Variants in LOC101059915 observed in about 807,000 individuals in gnomAD.
chrX:71,667,907 A>G, the LOC101059915 span: 1 of 1,126,778 alleles, frequency 8.9e-7, no homozygotes, highest in South Asian at 2.2e-5. Context: ...CCACGGGGTG[A>G]CGGCCACGGC....
At chrX:71,670,913 A>G in the LOC101059915 span, 17 of 753,610 alleles carry the variant, frequency 2.3e-5, no homozygotes, top group Non-Finnish European at 2.5e-5. Flanking sequence ...GGTTAGAGAT[A>G]CCTTATGTGT....
At chrX:71,670,650 C>T in the LOC101059915 span, 27 of 1,111,298 alleles carry the variant, frequency 2.4e-5, no homozygotes, top group Non-Finnish European at 3.1e-5. Flanking sequence ...ACCTTAGAGA[C>T]CAACTAGGTA....
the LOC101059915 span, chrX:71,667,999 A>T: frequency 8.6e-7 from 1 of 1,165,996 alleles, no homozygotes; most frequent in South Asian, 1.9e-5. Context: ...CGAGAGCTTC[A>T]GCTTCGAGTC....
chrX:71,667,815 G>A, the LOC101059915 span: 1 of 1,061,537 alleles, frequency 9.4e-7, no homozygotes, highest in Non-Finnish European at 1.2e-6. Flanking sequence ...TGAGCTCCAC[G>A]GATGAAGTGT....
chrX:71,671,308 G>A, the LOC101059915 span: 1 of 1,092,446 alleles, frequency 9.2e-7, no homozygotes, highest in African/African-American at 1.8e-5. Context: ...AGGGCTGTGG[G>A]CTCACCCTGG....
chrX:71,667,706 G>C, the LOC101059915 span: 1 of 875,167 alleles, frequency 1.1e-6, no homozygotes, highest in Non-Finnish European at 1.4e-6. Flanking sequence ...GCTGAGAGTG[G>C]CCCCCTCGGC....
the LOC101059915 span, chrX:71,670,382 G>A: frequency 1.7e-6 from 2 of 1,164,329 alleles, no homozygotes; most frequent in Non-Finnish European, 2.3e-6. Context: ...ACTAGATGGT[G>A]GGATCCATGT....
At chrX:71,668,116 C>T in the LOC101059915 span, 2 of 1,138,145 alleles carry the variant, frequency 1.8e-6, no homozygotes, top group Non-Finnish European at 2.3e-6. Flanking sequence ...CTCTTTCTAC[C>T]TGGCTGATGA....
At chrX:71,668,169 G>A in the LOC101059915 span, 305 of 1,128,642 alleles carry the variant, frequency 2.7e-4, no homozygotes, top group Non-Finnish European at 3.4e-4. Context: ...AGGGACACCC[G>A]TCCCCAGAAG....
chrX:71,669,397 C>T, the LOC101059915 span, among the ~76,000 whole-genome samples: 2 of 111,504 alleles, frequency 1.8e-5, no homozygotes, highest in Admixed American at 1.9e-4. Context: ...CTTCCCAATT[C>T]CTCCTTCCCT....
the LOC101059915 span, chrX:71,667,658 A>G: frequency 5.5e-6 from 3 of 548,215 alleles, no homozygotes. Flanking sequence ...CCAGAGCACC[A>G]CCCTTCCCTG....
the LOC101059915 span, chrX:71,668,073 C>G: frequency 8.7e-7 from 1 of 1,153,510 alleles, no homozygotes; most frequent in African/African-American, 1.8e-5. Flanking sequence ...GGCCTGGCAC[C>G]CCGGTCGACG....
the LOC101059915 span, chrX:71,667,761 C>T: frequency 6.9e-6 from 7 of 1,014,471 alleles, no homozygotes; most frequent in African/African-American, 2.0e-5. Context: ...GTTACCAGGA[C>T]GACTGTCTCC....
chrX:71,669,525 C>T, the LOC101059915 span: 33 of 955,202 alleles, frequency 3.5e-5, no homozygotes, highest in Non-Finnish European at 4.3e-5. Flanking sequence ...CGCCCGTCCC[C>T]ACTGCCAGCC....
chrX:71,669,714 C>T, the LOC101059915 span: 7,687 of 973,218 alleles, frequency 7.9e-3, 40 homozygotes, highest in Non-Finnish European at 9.1e-3. Context: ...ATGCATCCTC[C>T]GGTGAGTCTT....
At chrX:71,667,873 G>A in the LOC101059915 span, 44 of 1,104,967 alleles carry the variant, frequency 4.0e-5, no homozygotes, top group Non-Finnish European at 5.1e-5. Flanking sequence ...GCAGGCCGGC[G>A]CCCACACCGC....
chrX:71,668,468 T>C, the LOC101059915 span: 2 of 1,157,186 alleles, frequency 1.7e-6, no homozygotes, highest in Non-Finnish European at 2.3e-6. Flanking sequence ...GTGATTAGGG[T>C]GATCATTAGC....
chrX:71,668,694 GA>G, the LOC101059915 span: 1 of 1,076,899 alleles, frequency 9.3e-7, no homozygotes, highest in African/African-American at 1.9e-5. Flanking sequence ...TGTGGGGAAA[GA>G]GGGGGGTCAG....
the LOC101059915 span, chrX:71,669,014 A>G: frequency 1.7e-6 from 2 of 1,163,844 alleles, no homozygotes; most frequent in Non-Finnish European, 2.3e-6. Flanking sequence ...AATGACCCAA[A>G]TAGAGATGAG....
Sources: allele counts gnomAD v4.1 joint callset (sites outside exome capture counted in the v4.1 genomes callset), GRCh38; gene constraint gnomAD v4.1.1; transcripts MANE v1.5.